DOCK3: variants seen among roughly 807,000 people sequenced by gnomAD.
DOCK3 encodes dedicator of cytokinesis 3.
Under a neutral mutation model 265.6 loss-of-function variants are expected in DOCK3, and 60 were observed. The ratio of observed to expected loss-of-function variants is 0.23; its 90% CI spans 0.18 to 0.28. DOCK3 has a LOEUF of 0.28. Ranked by LOEUF, DOCK3 falls within the 10% of genes least tolerant of loss-of-function variation. DOCK3 has a pLI of 1.00. For missense variants in DOCK3, 1,981 were observed against 2,594.3 expected (o/e 0.76, Z 5.14); for synonymous variants, 881 against 938.0 (o/e 0.94, Z 1.11).
In DOCK3 at chr3:51,090,337, C is replaced by G; in HGVS notation, c.699C>G (p.Thr233=). ...SFTYNTIGED[T]DVFFSLYDMR... The stretch of plus-strand genomic sequence containing the variant: ...CTTACAATACTATTGGGGAAGATAC[C>G]GATGTCTTCTTTTCCTTATATGACA... Residue 233 remains threonine (T), a synonymous_variant, in exon 9 of 53, where the codon ACC becomes ACG. Transcript: ENST00000266037. The G allele has an allele frequency of 6.2e-7, 1 of 1,605,576 alleles. No individual in the cohort carries two copies. The highest frequency in any genetic ancestry group is 8.5e-7 in the Non-Finnish European group (1 of 1,175,974).
At chr3:50,808,455 A>G (rs748525371) in intron 2 of DOCK3, among the ~76,000 whole-genome samples, 1 of 152,214 alleles carries the variant, frequency 6.6e-6, no homozygotes, top group Non-Finnish European at 1.5e-5. Flanking sequence ...AGATATCAAG[A>G]TTTATTATAC....
chr3:51,242,092 T>C (rs1275587693), intron 21 of DOCK3, among the ~76,000 whole-genome samples: 1 of 152,128 alleles, frequency 6.6e-6, no homozygotes, highest in Non-Finnish European at 1.5e-5. Context: ...GATGGTTTTT[T>C]TTTTCCCTTT....
Position 51,025,078 on chromosome 3 carries a change from A to G in DOCK3, c.316-39370A>G, listed in dbSNP as rs1281509362. Among the ~76,000 whole-genome samples, 3 of 152,268 alleles carry G rather than the reference A, an allele frequency of 2.0e-5. No homozygotes were observed. In the East Asian group the frequency reaches 5.8e-4, roughly 29 times the overall value. On this transcript the variant is annotated intron_variant, in intron 5 of 52. Coordinates refer to ENST00000266037, the MANE Select transcript of DOCK3 (RefSeq NM_004947.5). ...AACAGTGGGATTTGAGCTTGCCCTA[A>G]GTTGCCTAGGGGAAGTATTCTGGTT... is the stretch of plus-strand genomic sequence containing the variant.
intron 5 of DOCK3, among the ~76,000 whole-genome samples, chr3:51,050,245 G>A (rs2080941551): frequency 6.6e-6 from 1 of 152,128 alleles, no homozygotes; most frequent in Non-Finnish European, 1.5e-5. Flanking sequence ...CAATTACCCG[G>A]ACATTATTGT....
intron 4 of DOCK3, among the ~76,000 whole-genome samples, chr3:50,918,637 T>G (rs528491282): frequency 6.6e-6 from 1 of 152,226 alleles, no homozygotes; most frequent in Non-Finnish European, 1.5e-5. Context: ...TTTGTTTAAG[T>G]TCTTTGTAGA....
At chr3:51,327,609 A>G (rs1044627469) in intron 32 of DOCK3, among the ~76,000 whole-genome samples, 22 of 151,680 alleles carry the variant, frequency 1.5e-4, no homozygotes, top group African/African-American at 5.3e-4. Flanking sequence ...ATTTCTCCTA[A>G]TAACTTCTCC....
intron 9 of DOCK3, among the ~76,000 whole-genome samples, chr3:51,129,563 A>G (rs2106911502): frequency 6.6e-6 from 1 of 152,320 alleles, no homozygotes; most frequent in African/African-American, 2.4e-5. Flanking sequence ...CTTTATGGCT[A>G]GATGGGTCAG....
intron 3 of DOCK3, among the ~76,000 whole-genome samples, chr3:50,869,883 G>T (rs1209263967): frequency 6.6e-6 from 1 of 152,078 alleles, no homozygotes; most frequent in Non-Finnish European, 1.5e-5. Flanking sequence ...CTGATCCACT[G>T]GTCATTCAAG....
chr3:51,198,288 C>T (rs1245878388), intron 12 of DOCK3, among the ~76,000 whole-genome samples: 4 of 152,222 alleles, frequency 2.6e-5, no homozygotes, highest in African/African-American at 7.2e-5. Flanking sequence ...TGCTTAACCA[C>T]GGGTGCTTTT....
intron 1 of DOCK3, among the ~76,000 whole-genome samples, chr3:50,747,854 ACT>A (rs2108284776): frequency 1.4e-5 from 2 of 141,372 alleles, no homozygotes; most frequent in Middle Eastern, 3.5e-3. Flanking sequence ...ACAGAGCAAG[ACT>A]CTGTCTGAAA....
intron 3 of DOCK3, among the ~76,000 whole-genome samples, chr3:50,856,559 G>A (rs1437259023): frequency 6.6e-6 from 1 of 151,440 alleles, no homozygotes; most frequent in Non-Finnish European, 1.5e-5. Context: ...TTGTAAATTT[G>A]TTTAAGTTCC....
chr3:50,918,267 A>G lies in DOCK3; in HGVS notation c.219-15714A>G, dbSNP rs139169147. Among the ~76,000 whole-genome samples the G allele has an allele frequency of 3.3e-3, 504 of 152,274 alleles. 3 individuals carry two copies. Among genetic ancestry groups the G allele is most frequent in the African/African-American group, 0.012 (482 of 41,506 alleles). On this transcript the variant is annotated intron_variant, in intron 4 of 52. Coordinates refer to ENST00000266037, the MANE Select transcript of DOCK3 (RefSeq NM_004947.5). The stretch of plus-strand genomic sequence containing the variant: ...TAGCATGCTTTATAATCCGTTGGAT[A>G]TATACCCAGTAATGGGATGGCTGGG...
At chr3:51,116,783 G>C (rs1213406321) in intron 9 of DOCK3, among the ~76,000 whole-genome samples, 1 of 152,146 alleles carries the variant, frequency 6.6e-6, no homozygotes, top group Non-Finnish European at 1.5e-5. Context: ...TGGTGTATAG[G>C]AATGCTTGTG....
intron 27 of DOCK3, among the ~76,000 whole-genome samples, chr3:51,281,163 C>G (rs2109002080): frequency 6.6e-6 from 1 of 151,642 alleles, no homozygotes; most frequent in East Asian, 1.9e-4. Context: ...TATTTCTTTT[C>G]TTGTAGAACA....
intron 5 of DOCK3, among the ~76,000 whole-genome samples, chr3:50,980,842 CTCTT>C (rs1402390908): frequency 6.6e-6 from 1 of 151,658 alleles, no homozygotes. Flanking sequence ...TGGGTCTTCT[CTCTT>C]TTTTTTGGTT....
chr3:51,147,317 G>C (rs1291544592), intron 10 of DOCK3, among the ~76,000 whole-genome samples: 1 of 151,942 alleles, frequency 6.6e-6, no homozygotes, highest in African/African-American at 2.4e-5. Flanking sequence ...TACTAATTGG[G>C]GGATTTTTTC....
At chr3:51,160,824 C>G in intron 12 of DOCK3, 122 bp downstream of exon 12, 2 of 1,255,874 alleles carry the variant, frequency 1.6e-6, no homozygotes, top group Non-Finnish European at 2.1e-6. Flanking sequence ...CGCCTGTATT[C>G]CCAACACTTT....
At chr3:50,879,285 C>T (rs2047896055) in intron 3 of DOCK3, among the ~76,000 whole-genome samples, 1 of 152,156 alleles carries the variant, frequency 6.6e-6, no homozygotes, top group South Asian at 2.1e-4. Flanking sequence ...ACAATATTCA[C>T]TTTAAATGTA....
chr3:51,267,887 A>G (rs541729774), intron 23 of DOCK3, among the ~76,000 whole-genome samples: 1 of 152,326 alleles, frequency 6.6e-6, no homozygotes, highest in South Asian at 2.1e-4. Context: ...CAACTAACAC[A>G]GGAACAGAAA....
Sources: allele counts gnomAD v4.1 joint callset (sites outside exome capture counted in the v4.1 genomes callset), GRCh38; gene constraint gnomAD v4.1.1; transcripts MANE v1.5; gene names NCBI Gene and HGNC (gene_info 2026-07-23, HGNC 2026-07-21).